The following PPM1H variants were observed in gnomAD, a reference collection of about 807,000 sequenced individuals.
The protein encoded by PPM1H is protein phosphatase 1H.
A neutral mutation model predicts 54.9 loss-of-function variants in PPM1H; 27 were observed. The ratio of observed to expected loss-of-function variants is 0.49; its 90% CI spans 0.36 to 0.68. PPM1H has a LOEUF of 0.68. Among genes scored for constraint, PPM1H ranks in the 30% least tolerant of loss-of-function variants. The pLI is 0.00. For missense variants in PPM1H, 596 were observed against 667.8 expected (o/e 0.89, Z 1.19); for synonymous variants, 305 against 270.8 (o/e 1.13, Z -1.24).
At chr12:62,724,638 T>C (rs1403954432) in intron 5 of PPM1H, among the ~76,000 whole-genome samples, 1 of 152,222 alleles carries the variant, frequency 6.6e-6, no homozygotes. Flanking sequence ...AACTGCTTGC[T>C]TTCTTCCAGG....
intron 1 of PPM1H, among the ~76,000 whole-genome samples, chr12:62,890,478 G>A (rs1302181929): frequency 6.6e-6 from 1 of 152,016 alleles, no homozygotes. Flanking sequence ...CAATTTTGTT[G>A]TGAACCTAAA....
chr12:62,843,593 CACAA>C (rs1417073740), intron 1 of PPM1H, among the ~76,000 whole-genome samples: 1 of 152,146 alleles, frequency 6.6e-6, no homozygotes, highest in Admixed American at 6.5e-5. Context: ...ACACAGGTAA[CACAA>C]GAAGGAATTG....
chr12:62,716,947 C>A (rs1042396647), intron 6 of PPM1H, among the ~76,000 whole-genome samples: 6 of 152,016 alleles, frequency 3.9e-5, no homozygotes, highest in African/African-American at 1.5e-4. Context: ...AGGCAGTAGT[C>A]TAAATTGAAT....
chr12:62,689,103 G>A (rs1229274406), intron 8 of PPM1H, among the ~76,000 whole-genome samples: 1 of 152,188 alleles, frequency 6.6e-6, no homozygotes, highest in African/African-American at 2.4e-5. Context: ...ATTACTTCTG[G>A]TTGGGCAAGG....
intron 9 of PPM1H, among the ~76,000 whole-genome samples, chr12:62,651,291 TAGAC>T (rs1256419316): frequency 2.0e-5 from 3 of 152,154 alleles, no homozygotes; most frequent in East Asian, 1.9e-4. Context: ...GAAAAAGAGA[TAGAC>T]AGACACTCAA....
At chr12:62,857,370 T>C (rs1285643023) in intron 1 of PPM1H, among the ~76,000 whole-genome samples, 1 of 152,188 alleles carries the variant, frequency 6.6e-6, no homozygotes, top group Non-Finnish European at 1.5e-5. Context: ...CCTGGTTTGG[T>C]TAGAAGCAAA....
At chr12:62,873,404 G>GC (rs1230993791) in intron 1 of PPM1H, among the ~76,000 whole-genome samples, 1 of 152,186 alleles carries the variant, frequency 6.6e-6, no homozygotes, top group East Asian at 1.9e-4. Context: ...ATATCACAGG[G>GC]CAAAGCAATG....
chr12:62,838,638 C>A lies in PPM1H; in HGVS notation c.246-6359G>T, dbSNP rs1183789737. On this transcript the variant is annotated intron_variant, in intron 1 of 9. Coordinates refer to ENST00000228705, the MANE Select transcript of PPM1H (RefSeq NM_020700.2). ...ACATCCATCAAGAATAATAGCTTCT[C>A]TGGCCGGGCGCGGTGGCTCACGCCT... 1.8e-4 allele frequency among the ~76,000 whole-genome samples: 26 copies of A among 144,466 alleles called. 2 individuals are homozygous for A. The highest frequency in any genetic ancestry group is 1.8e-3 in the Admixed American group (26 of 14,736). 94.8% of individuals were successfully genotyped at this position (144,466 alleles called of 152,430 possible).
chr12:62,665,706 CTCTTT>C (rs1317018453), intron 9 of PPM1H, among the ~76,000 whole-genome samples: 1 of 151,896 alleles, frequency 6.6e-6, no homozygotes, highest in Admixed American at 6.6e-5. Context: ...TTTTTTTAGT[CTCTTT>C]TAAGACTCCT....
intron 8 of PPM1H, among the ~76,000 whole-genome samples, chr12:62,672,495 C>G (rs2075962123): frequency 6.6e-6 from 1 of 152,158 alleles, no homozygotes; most frequent in Non-Finnish European, 1.5e-5. Context: ...CTACCTTAAC[C>G]AAGTTAAGAT....
intron 4 of PPM1H, among the ~76,000 whole-genome samples, chr12:62,759,239 G>A (rs867471396): frequency 1.5e-4 from 23 of 152,222 alleles, no homozygotes; most frequent in Admixed American, 9.2e-4. Flanking sequence ...GGACTCCTTC[G>A]GGAGACCAGT....
At chr12:62,908,700 G>A (rs1415495638) in intron 1 of PPM1H, among the ~76,000 whole-genome samples, 1 of 152,188 alleles carries the variant, frequency 6.6e-6, no homozygotes, top group Non-Finnish European at 1.5e-5. Context: ...TTATGCTATG[G>A]CAAGGAATAA....
At position 62,862,907 on chromosome 12, in the gene PPM1H, T is replaced by C. The variant is rs527817969; in HGVS notation, c.246-30628A>G. Among the ~76,000 whole-genome samples, 29 of 152,336 alleles carry C rather than the reference T, an allele frequency of 1.9e-4. No individual in the cohort carries two copies. In the South Asian group the frequency reaches 6.0e-3, roughly 32 times the overall value. ...AGTGAAAATTCAATACATTTTTAAA[T>C]GGAGATTTTTGCTCTCCAAGGTAGA... On this transcript the variant is annotated intron_variant, in intron 1 of 9. Coordinates refer to ENST00000228705, the MANE Select transcript of PPM1H (RefSeq NM_020700.2).
At chr12:62,697,869 G>A (rs990356810) in intron 6 of PPM1H, among the ~76,000 whole-genome samples, 1 of 151,926 alleles carries the variant, frequency 6.6e-6, no homozygotes, top group South Asian at 2.1e-4. Context: ...AAACTGAAAG[G>A]CTTAGGAAAG....
intron 1 of PPM1H, among the ~76,000 whole-genome samples, chr12:62,873,710 T>C (rs1026576210): frequency 1.3e-5 from 2 of 152,334 alleles, no homozygotes; most frequent in East Asian, 3.9e-4. Context: ...TTTAATTATA[T>C]ATGATGCATC....
chr12:62,834,864 C>T (rs933238553), intron 1 of PPM1H, among the ~76,000 whole-genome samples: 1 of 152,136 alleles, frequency 6.6e-6, no homozygotes, highest in Non-Finnish European at 1.5e-5. Flanking sequence ...TCCCAAGCAA[C>T]ATGTTTGGGG....
chr12:62,674,542 T>C (rs758770741), intron 8 of PPM1H, among the ~76,000 whole-genome samples: 4 of 152,180 alleles, frequency 2.6e-5, no homozygotes, highest in Non-Finnish European at 5.9e-5. Context: ...ACCAAGACTA[T>C]ACCCAAATTC....
chr12:62,886,499 A>T (rs944760647), intron 1 of PPM1H, among the ~76,000 whole-genome samples: 4 of 152,326 alleles, frequency 2.6e-5, no homozygotes, highest in Middle Eastern at 3.4e-3. Flanking sequence ...TAGCACTGAA[A>T]GCATCTAGTC....
At chr12:62,741,770 T>C (rs1421858895) in intron 4 of PPM1H, among the ~76,000 whole-genome samples, 1 of 152,124 alleles carries the variant, frequency 6.6e-6, no homozygotes, top group Non-Finnish European at 1.5e-5. Flanking sequence ...TCTCCAGTGC[T>C]CAGTGCCTGG....
Sources: allele counts gnomAD v4.1 joint callset (sites outside exome capture counted in the v4.1 genomes callset), GRCh38; gene constraint gnomAD v4.1.1; transcripts MANE v1.5; gene names NCBI Gene and HGNC (gene_info 2026-07-23, HGNC 2026-07-21).